The following PLCE1 variants were observed in gnomAD, a reference collection of about 807,000 sequenced individuals.
PLCE1 encodes the protein phospholipase C epsilon 1.
PLCE1 carries 119 observed loss-of-function variants against 242.8 expected under a neutral mutation model. The observed-to-expected ratio is 0.49, with a 90% CI of 0.42 to 0.57. PLCE1 has a LOEUF of 0.57. Ranked by LOEUF, PLCE1 falls within the 20% of genes least tolerant of loss-of-function variation. The pLI, the probability that PLCE1 is intolerant of heterozygous loss-of-function variation, is 0.00. For synonymous variants in PLCE1, 945 were observed against 1,017.4 expected, an observed-to-expected ratio of 0.93 and a Z score of 1.35; for missense variants, 2,441 against 2,788.8, an observed-to-expected ratio of 0.88 and a Z score of 2.81.
intron 29 of PLCE1, among the ~76,000 whole-genome samples, chr10:94,318,777 C>G (rs1001369451): frequency 6.6e-6 from 1 of 152,168 alleles, no homozygotes; most frequent in African/African-American, 2.4e-5. Context: ...TATACCACAA[C>G]AAGCTGGGCA....
chr10:94,076,363 T>C (rs1234207080), intron 2 of PLCE1, among the ~76,000 whole-genome samples: 1 of 152,168 alleles, frequency 6.6e-6, no homozygotes, highest in Non-Finnish European at 1.5e-5. Flanking sequence ...CCTCAAGATG[T>C]TTTGAATCTA....
At chr10:94,175,644 A>T (rs1326530131) in intron 4 of PLCE1, among the ~76,000 whole-genome samples, 1 of 152,136 alleles carries the variant, frequency 6.6e-6, no homozygotes, top group East Asian at 1.9e-4. Context: ...TTGTGCTATC[A>T]AATACTAGAT....
intron 32 of PLCE1, among the ~76,000 whole-genome samples, chr10:94,326,379 G>A (rs1772483267): frequency 6.6e-6 from 1 of 152,156 alleles, no homozygotes; most frequent in African/African-American, 2.4e-5. Flanking sequence ...CACATTTAAA[G>A]AGCAACTCCT....
At chr10:94,163,750 C>T (rs1035778382) in intron 3 of PLCE1, among the ~76,000 whole-genome samples, 2 of 152,130 alleles carry the variant, frequency 1.3e-5, no homozygotes, top group Non-Finnish European at 2.9e-5. Flanking sequence ...TCTTCCTAGC[C>T]GTGATGGTCT....
rs115514272 is a variant in PLCE1, at chr10:94,009,715, G to A, written c.-365+15457G>A. The stretch of plus-strand genomic sequence containing the variant: ...GCCCAAAGAAAGGGGCAAGAAGCCC[G>A]AAGCAAATCTGAAACAAAACAGGGC... On this transcript the variant is annotated intron_variant, in intron 1 of 32. Transcript: ENST00000371380. Among the ~76,000 whole-genome samples, 896 of 152,308 alleles carry A rather than the reference G, an allele frequency of 5.9e-3. 4 individuals carry two copies. Among genetic ancestry groups the A allele is most frequent in the African/African-American group, 0.021 (865 of 41,564 alleles).
chr10:94,002,884 G>A (rs913218036), intron 1 of PLCE1, among the ~76,000 whole-genome samples: 1 of 152,206 alleles, frequency 6.6e-6, no homozygotes, highest in African/African-American at 2.4e-5. Context: ...CTATCATGAA[G>A]ATTGTCAACT....
Position 94,316,621 on chromosome 10 carries a change from T to C in PLCE1, c.6207T>C (p.Ser2069=). The C allele has an allele frequency of 6.2e-7, 1 of 1,608,172 alleles. No homozygotes were observed. Among genetic ancestry groups the C allele is most frequent in the Non-Finnish European group, 8.5e-7 (1 of 1,174,784 alleles). Residue 2069 remains serine, a synonymous_variant, in exon 29 of 33, where the codon TCT becomes TCC. Coordinates refer to ENST00000371380, the MANE Select transcript of PLCE1 (RefSeq NM_016341.4). ...YFLMEEKYFI[S]KEKNECRKQP... The stretch of plus-strand genomic sequence containing the variant: ...TGATGGAAGAAAAATATTTTATATC[T>C]AAAGAAAAGAATGAATGTAGGAAAC...
intron 22 of PLCE1, among the ~76,000 whole-genome samples, chr10:94,292,879 C>T (rs1199652253): frequency 2.0e-5 from 3 of 152,180 alleles, no homozygotes; most frequent in Non-Finnish European, 4.4e-5. Flanking sequence ...CCTCTTTCAG[C>T]AAATATGTAT....
intron 19 of PLCE1, among the ~76,000 whole-genome samples, chr10:94,277,059 G>A (rs548531975): frequency 6.6e-6 from 1 of 152,194 alleles, no homozygotes; most frequent in East Asian, 1.9e-4. Context: ...ATAGAAGGCC[G>A]GAGTCATTTC....
chr10:94,162,289 A>T (rs1035016143), intron 3 of PLCE1, among the ~76,000 whole-genome samples: 3 of 152,060 alleles, frequency 2.0e-5, no homozygotes, highest in African/African-American at 7.2e-5. Flanking sequence ...CTGGTCCTGG[A>T]CTTTTTTTGG....
Position 94,029,237 on chromosome 10 carries a change from T to G in PLCE1, c.-364-1446T>G, listed in dbSNP as rs148028386. On this transcript the variant is annotated intron_variant, in intron 1 of 32. Coordinates refer to ENST00000371380, the MANE Select transcript of PLCE1 (RefSeq NM_016341.4). ...TACCTCATGGGTAAGAAAGGACATA[T>G]TAGCTGTCAATCTGAAGGCTTTGGC... is the stretch of plus-strand genomic sequence containing the variant. 3.8e-3 allele frequency among the ~76,000 whole-genome samples: 574 copies of G among 152,292 alleles called. 2 individuals are homozygous for G. The highest frequency in any genetic ancestry group is 0.013 in the African/African-American group (542 of 41,580).
At chr10:94,308,143 A>G (rs369946587) in intron 26 of PLCE1, among the ~76,000 whole-genome samples, 5 of 152,232 alleles carry the variant, frequency 3.3e-5, no homozygotes, top group East Asian at 3.8e-4. Flanking sequence ...TACCATTTTT[A>G]CCAGCTGTGT....
chr10:94,251,195 G>A (rs2050862247), intron 8 of PLCE1, among the ~76,000 whole-genome samples: 1 of 152,150 alleles, frequency 6.6e-6, no homozygotes, highest in South Asian at 2.1e-4. Context: ...ACAGCCATAA[G>A]TCACAATGTC....
chr10:94,309,757 G>A (rs903684683), intron 27 of PLCE1, among the ~76,000 whole-genome samples: 2 of 152,196 alleles, frequency 1.3e-5, no homozygotes, highest in African/African-American at 2.4e-5. Flanking sequence ...AATCTGGGCT[G>A]AGTGCAGCGG....
intron 19 of PLCE1, among the ~76,000 whole-genome samples, chr10:94,275,151 A>G (rs1445482119): frequency 6.6e-6 from 1 of 152,204 alleles, no homozygotes; most frequent in Admixed American, 6.5e-5. Flanking sequence ...ACTAATGAAC[A>G]GAAGTCTTTT....
intron 3 of PLCE1, among the ~76,000 whole-genome samples, chr10:94,146,889 C>A (rs772627701): frequency 2.6e-5 from 4 of 152,288 alleles, no homozygotes; most frequent in African/African-American, 9.6e-5. Flanking sequence ...CCCGTTAGAC[C>A]TTTTGTTACA....
At chr10:94,011,798 G>A (rs919911112) in intron 1 of PLCE1, among the ~76,000 whole-genome samples, 7 of 152,102 alleles carry the variant, frequency 4.6e-5, no homozygotes, top group Non-Finnish European at 8.8e-5. Context: ...GATTGAGGCA[G>A]CTCCAGTGTA....
chr10:94,215,761 G>A (rs2049501084), intron 4 of PLCE1, among the ~76,000 whole-genome samples: 1 of 152,114 alleles, frequency 6.6e-6, no homozygotes, highest in African/African-American at 2.4e-5. Flanking sequence ...AGAGATTCGA[G>A]AAGGGCCGAG....
chr10:94,197,982 C>CAAAAAAAA (rs3053181), intron 4 of PLCE1, among the ~76,000 whole-genome samples: 12 of 58,354 alleles, frequency 2.1e-4, no homozygotes, highest in African/African-American at 7.4e-4. Context: ...GACTCTGTCT[C>CAAAAAAAA]AAAAAAAAAA....
Sources: allele counts gnomAD v4.1 joint callset (sites outside exome capture counted in the v4.1 genomes callset), GRCh38; gene constraint gnomAD v4.1.1; transcripts MANE v1.5; gene names NCBI Gene and HGNC (gene_info 2026-07-23, HGNC 2026-07-21).